NMUR2: variants seen among roughly 807,000 people sequenced by gnomAD.
The protein encoded by NMUR2 is neuromedin-U receptor 2.
A neutral mutation model predicts 25.1 loss-of-function variants in NMUR2; 24 were observed. The ratio of observed to expected loss-of-function variants is 0.96; its 90% CI spans 0.69 to 1.34. The LOEUF is 1.34. Among genes scored for constraint, NMUR2 ranks in the 40% most tolerant of loss-of-function variants. The pLI is 0.00. For synonymous variants in NMUR2, 218 were observed against 208.1 expected (o/e 1.05, Z -0.41); for missense variants, 533 against 512.8 (o/e 1.04, Z -0.38).
chr5:152,396,197 AACAC>A (rs3042430), intron 2 of NMUR2, among the ~76,000 whole-genome samples: 15,916 of 143,346 alleles, frequency 0.11, 905 homozygotes, highest in Middle Eastern at 0.25. Context: ...CCACAAATTA[AACAC>A]ACACACACAC....
intron 1 of NMUR2, among the ~76,000 whole-genome samples, chr5:152,400,849 T>A (rs1753239269): frequency 1.3e-5 from 2 of 152,208 alleles, no homozygotes; most frequent in African/African-American, 4.8e-5. Context: ...GAACAATTTT[T>A]AAAAAAATCA....
Position 152,404,501 on chromosome 5 carries a change from T to C in NMUR2, c.613A>G (p.Thr205Ala), listed in dbSNP as rs767520067. 1 of 1,614,094 alleles carries C rather than the reference T, an allele frequency of 6.2e-7. No individual in the cohort carries two copies. Among genetic ancestry groups the C allele is most frequent in the South Asian group, 1.1e-5 (1 of 91,072 alleles). The change falls in exon 1 of 4, where the codon ACG becomes GCG. Residue 205 changes from threonine (T) to alanine (A), a missense_variant. Transcript: ENST00000255262. ...TAGATCCACATGGGCTTGATGACCG[T>C]ACAGGTGGCCGAACCTGGGACCAGG... The part of the protein sequence containing the change: ...GSLVPGSATC[T>A]VIKPMWIYNF...
chr5:152,394,371 A>G (rs1337318251), intron 3 of NMUR2, among the ~76,000 whole-genome samples: 2 of 152,210 alleles, frequency 1.3e-5, no homozygotes, highest in African/African-American at 4.8e-5. Flanking sequence ...TATTCAGTAT[A>G]GATGTCATTG....
chr5:152,397,687 C>T (rs1169351624), intron 2 of NMUR2, among the ~76,000 whole-genome samples: 2 of 150,196 alleles, frequency 1.3e-5, no homozygotes, highest in Non-Finnish European at 3.0e-5. Context: ...CTGCTTATTT[C>T]ACAGAGGGGG....
intron 2 of NMUR2, among the ~76,000 whole-genome samples, chr5:152,396,426 A>G (rs536569567): frequency 5.3e-5 from 8 of 152,126 alleles, no homozygotes; most frequent in Admixed American, 1.3e-4. Flanking sequence ...TTGTGTACAG[A>G]TATGAAGTTT....
chr5:152,392,473 G>A lies in NMUR2; in HGVS notation c.966C>T (p.Val322=). 1 of 1,613,642 alleles carries A rather than the reference G, an allele frequency of 6.2e-7. No homozygotes were observed. Among genetic ancestry groups the A allele is most frequent in the Non-Finnish European group, 8.5e-7 (1 of 1,179,628 alleles). The change falls in exon 4 of 4, where the codon GTC becomes GTT. Residue 322 remains valine, a synonymous_variant. Coordinates refer to ENST00000255262, the MANE Select transcript of NMUR2 (RefSeq NM_020167.5). ...ACAGTAGGTTATAGATAATGGGGTT[G>A]ACAGCTGAGCTCAGGTAGAAGAAGA... ...SGVFFYLSSA[V]NPIIYNLLSR... is the part of the protein sequence containing the mutation.
chr5:152,393,664 G>C (rs920598686), intron 3 of NMUR2, among the ~76,000 whole-genome samples: 8 of 152,144 alleles, frequency 5.3e-5, no homozygotes, highest in African/African-American at 1.9e-4. Context: ...ACAATACCAA[G>C]CAGTATCTGT....
At position 152,395,520 on chromosome 5, in the gene NMUR2, G is replaced by C; in HGVS notation, c.876C>G (p.Ser292Arg). Residue 292 changes from serine (S) to arginine (R), a missense_variant, in exon 3 of 4, where the codon AGC becomes AGG. Transcript: ENST00000255262. ...APFHIDRLFFSFVEEWSESLA... is the reference protein window; with the variant it reads ...APFHIDRLFFRFVEEWSESLA... ...GGGATTCACTCCACTCCTCCACAAAGCTGAAGAAGAGTCGGTCAATGTGGA... is the reference window on the plus strand; with the variant it reads ...GGGATTCACTCCACTCCTCCACAAACCTGAAGAAGAGTCGGTCAATGTGGA... 6.2e-7 allele frequency: 1 copy of C among 1,613,664 alleles called. No individual in the cohort carries two copies. Among genetic ancestry groups the C allele is most frequent in the Non-Finnish European group, 8.5e-7 (1 of 1,179,814 alleles).
chr5:152,399,099 G>GT (rs141105715), intron 1 of NMUR2, among the ~76,000 whole-genome samples: 2,303 of 152,214 alleles, frequency 0.015, 64 homozygotes, highest in African/African-American at 0.053. Flanking sequence ...AGTTGTGGAA[G>GT]TTTTTCTCTT....
At chr5:152,400,764 A>G (rs546026918) in intron 1 of NMUR2, among the ~76,000 whole-genome samples, 1 of 152,352 alleles carries the variant, frequency 6.6e-6, no homozygotes, top group East Asian at 1.9e-4. Flanking sequence ...TAAGAACAAT[A>G]AAAAATATTG....
intron 2 of NMUR2, among the ~76,000 whole-genome samples, chr5:152,397,412 A>T (rs1753172269): frequency 6.6e-6 from 1 of 152,106 alleles, no homozygotes; most frequent in Non-Finnish European, 1.5e-5. Context: ...GATCTTATTT[A>T]TTCAAAAGTA....
chr5:152,392,859 T>C (rs938672513), intron 3 of NMUR2, among the ~76,000 whole-genome samples: 2 of 152,170 alleles, frequency 1.3e-5, no homozygotes, highest in Admixed American at 1.3e-4. Flanking sequence ...TTCTATCTCA[T>C]TGGAATTTTA....
chr5:152,404,359 C>A, intron 1 of NMUR2, 29 bp downstream of exon 1: 1 of 1,561,524 alleles, frequency 6.4e-7, no homozygotes, highest in Admixed American at 1.9e-5. Context: ...AGGGATGCTG[C>A]CTCAGGCCAC....
intron 1 of NMUR2, among the ~76,000 whole-genome samples, chr5:152,398,559 CA>C (rs1369819976): frequency 6.6e-6 from 1 of 152,036 alleles, no homozygotes; most frequent in Non-Finnish European, 1.5e-5. Flanking sequence ...AGTAGAAAAC[CA>C]AAACAGGAAT....
chr5:152,399,043 C>T (rs1753212024), intron 1 of NMUR2, among the ~76,000 whole-genome samples: 1 of 151,760 alleles, frequency 6.6e-6, no homozygotes. Context: ...ACTGTCTTCT[C>T]CTTCCTTTGA....
Position 152,392,520 on chromosome 5 carries a change from A to C in NMUR2, c.938-19T>G, listed in dbSNP as rs760353967. On this transcript the variant is annotated intron_variant, in intron 3 of 3. Transcript: ENST00000255262. ...AAGACACCTGGAATGCAGGGGATTT[A>C]AAAAGATGTGCTGAGAAGAACTTAA... is the stretch of plus-strand genomic sequence containing the variant. The C allele has an allele frequency of 6.3e-7, 1 of 1,594,168 alleles. No individual in the cohort carries two copies. The highest frequency in any genetic ancestry group is 8.6e-7 in the Non-Finnish European group (1 of 1,165,942).
intron 1 of NMUR2, among the ~76,000 whole-genome samples, chr5:152,403,437 T>C (rs1314191952): frequency 6.6e-6 from 1 of 152,084 alleles, no homozygotes; most frequent in African/African-American, 2.4e-5. Context: ...TATAGACTAA[T>C]TCCTACCCTT....
Position 152,404,751 on chromosome 5 carries a change from G to C in NMUR2, c.363C>G (p.Phe121Leu). The change falls in exon 1 of 4, where the codon TTC becomes TTG. Residue 121 changes from phenylalanine (F) to leucine (L), a missense_variant. By Grantham distance (22) the Phe-to-Leu change is conservative. Coordinates refer to ENST00000255262, the MANE Select transcript of NMUR2 (RefSeq NM_020167.5). The stretch of plus-strand genomic sequence containing the variant: ...ACACGGTCTCAAAGAGGGCCGTCTT[G>C]AAGTAGCAGCCCACGGGCCCGAACA... ...PFLFGPVGCYFKTALFETVCF... is the reference protein window; with the variant it reads ...PFLFGPVGCYLKTALFETVCF... The C allele has an allele frequency of 6.2e-7, 1 of 1,614,150 alleles. No individual in the cohort carries two copies. Among genetic ancestry groups the C allele is most frequent in the Non-Finnish European group, 8.5e-7 (1 of 1,180,038 alleles).
At chr5:152,398,357 A>G (rs1247089661) in intron 1 of NMUR2, among the ~76,000 whole-genome samples, 1 of 152,212 alleles carries the variant, frequency 6.6e-6, no homozygotes, top group East Asian at 1.9e-4. Flanking sequence ...TGGCCAAGTA[A>G]TAGTGCAACC....
Sources: allele counts gnomAD v4.1 joint callset (sites outside exome capture counted in the v4.1 genomes callset), GRCh38; gene constraint gnomAD v4.1.1; transcripts MANE v1.5; gene names NCBI Gene and HGNC (gene_info 2026-07-23, HGNC 2026-07-21).